Variants in TCTN3 observed in about 807,000 individuals in gnomAD.
TCTN3 encodes the protein tectonic family member 3, also known as tectonic-3.
In TCTN3, 57 loss-of-function variants were observed where a neutral mutation model predicts 71.3. That is an observed-to-expected ratio of 0.80 (90% CI 0.65 to 1.00). The LOEUF is 1.00. Ranked by LOEUF, TCTN3 falls within the 50% of genes least tolerant of loss-of-function variation. TCTN3 has a pLI of 0.00. For synonymous variants in TCTN3, 258 were observed against 267.8 expected (o/e 0.96, Z 0.36); for missense variants, 696 against 719.9 (o/e 0.97, Z 0.38).
Position 95,683,602 on chromosome 10 carries a change from G to C in TCTN3, c.1123C>G (p.Leu375Val). 1 of 1,613,996 alleles carries C rather than the reference G, an allele frequency of 6.2e-7. No individual in the cohort carries two copies. The highest frequency in any genetic ancestry group is 8.5e-7 in the Non-Finnish European group (1 of 1,179,960). ...RAFQQSTAAS[L>V]TSPRSGNPGY... ...GGATTCCCACTTCTAGGACTGGTGA[G>C]AGAAGCAGCTGTGCTCTGTTGAAAA... Residue 375 changes from leucine (L) to valine (V), a missense_variant, in exon 10 of 14, where the codon CTC becomes GTC. Transcript: ENST00000371217.
At position 95,689,019 on chromosome 10, in the gene TCTN3, T is replaced by G. The variant is rs1289973549; in HGVS notation, c.500-1300A>C. On this transcript the variant is annotated intron_variant, in intron 3 of 13. Transcript: ENST00000371217. ...CAATACCTGCATCATTGAAAGCAAATGAGGATTCCACGTTAAATGAACCTG... is the reference window on the plus strand; with the variant it reads ...CAATACCTGCATCATTGAAAGCAAAGGAGGATTCCACGTTAAATGAACCTG... 2.0e-5 allele frequency among the ~76,000 whole-genome samples: 3 copies of G among 152,192 alleles called. No individual in the cohort carries two copies. In the East Asian group the frequency reaches 5.8e-4, roughly 29 times the overall value.
chr10:95,683,936 T>C (rs1323118850), intron 9 of TCTN3, among the ~76,000 whole-genome samples: 6 of 145,928 alleles, frequency 4.1e-5, no homozygotes, highest in Admixed American at 3.6e-4. Flanking sequence ...CACAGCCTGG[T>C]TAAAATCTGA....
intron 3 of TCTN3, chr10:95,692,714 C>T: frequency 1.9e-6 from 1 of 534,738 alleles, no homozygotes; most frequent in Non-Finnish European, 3.3e-6. Flanking sequence ...CTTATGAATG[C>T]AGCCCAACAA....
At chr10:95,672,309 T>C (rs1413754994) in intron 13 of TCTN3, among the ~76,000 whole-genome samples, 1 of 152,174 alleles carries the variant, frequency 6.6e-6, no homozygotes, top group Non-Finnish European at 1.5e-5. Context: ...CTCCTCAAGA[T>C]GGATATTTGG....
chr10:95,686,693 A>G (rs534304051), intron 6 of TCTN3, among the ~76,000 whole-genome samples, 163 bp from the exon 7 acceptor site: 2 of 152,274 alleles, frequency 1.3e-5, no homozygotes, highest in Non-Finnish European at 2.9e-5. Flanking sequence ...CTTTACACTA[A>G]AATGCCAGGA....
intron 13 of TCTN3, among the ~76,000 whole-genome samples, chr10:95,672,544 T>C (rs2097932667): frequency 6.6e-6 from 1 of 152,136 alleles, no homozygotes; most frequent in Non-Finnish European, 1.5e-5. Flanking sequence ...TTGTCAGTCT[T>C]TTTTGTTTTA....
rs1242330719 is a variant in TCTN3 at position 95,692,915 on chromosome 10, C to A, written c.499+5G>T. On this transcript the variant is annotated splice_donor_5th_base_variant and intron_variant, in intron 3 of 13. Coordinates refer to ENST00000371217, the MANE Select transcript of TCTN3 (RefSeq NM_015631.6). ...AATGAGAACAACCAACATGTTTCTACTCACAGTTGTTCACATGGACACAAA... is the reference window on the plus strand; with the variant it reads ...AATGAGAACAACCAACATGTTTCTAATCACAGTTGTTCACATGGACACAAA... The A allele has an allele frequency of 1.9e-6, 3 of 1,593,768 alleles. No individual in the cohort carries two copies. The Admixed American group carries it at 5.0e-5, about 27-fold the overall frequency.
intron 13 of TCTN3, among the ~76,000 whole-genome samples, chr10:95,664,932 CTTTTGATTATAAT>C (rs2097924411): frequency 6.6e-6 from 1 of 152,166 alleles, no homozygotes; most frequent in Non-Finnish European, 1.5e-5. Context: ...AACAAGCAAA[CTTTTGATTATAAT>C]TTTTGGACAG....
rs551350934 is a variant in TCTN3, at chr10:95,684,753, A to T, written c.970-129T>A. The stretch of plus-strand genomic sequence containing the variant: ...GCAGACTGAAACAGTAATGTTAAAA[A>T]TGCCAAACACAAATACTATGAAAGA... On this transcript the variant is annotated intron_variant, in intron 8 of 13. Transcript: ENST00000371217. The T allele has an allele frequency of 1.3e-5, 13 of 975,944 alleles. No individual in the cohort carries two copies. In the East Asian group the frequency reaches 3.5e-4, roughly 26 times the overall value. The allele number at this position is 975,944 out of a possible 1,614,324, so 60.5% of individuals were successfully genotyped here.
chr10:95,670,883 G>A (rs890045343), intron 13 of TCTN3, among the ~76,000 whole-genome samples: 4 of 151,824 alleles, frequency 2.6e-5, no homozygotes, highest in African/African-American at 9.7e-5. Flanking sequence ...GGCTGGTCTC[G>A]AATTCCTAGG....
At chr10:95,693,247 T>C in intron 2 of TCTN3, 106 bp downstream of exon 2, 1 of 1,489,794 alleles carries the variant, frequency 6.7e-7, no homozygotes, top group Non-Finnish European at 9.0e-7. Flanking sequence ...GTCCTAGGAG[T>C]GGAAGTACGG....
At chr10:95,680,431 G>A in intron 13 of TCTN3, 41 bp downstream of exon 13, 1 of 1,560,198 alleles carries the variant, frequency 6.4e-7, no homozygotes, top group East Asian at 2.4e-5. Context: ...GACAATCTAG[G>A]CTTTGCAAGG....
Position 95,664,134 on chromosome 10 carries a change from C to G in TCTN3, c.1757G>C (p.Cys586Ser). Residue 586 changes from cysteine (C) to serine (S), a missense_variant, in exon 14 of 14, where the codon TGC (cysteine) becomes TCC (serine). Cys to Ser is a moderately radical substitution (Grantham distance 112, BLOSUM62 -1). Transcript: ENST00000371217. ...AFSRGVFSQKCSVSPILILCL... is the reference protein window; with the variant it reads ...AFSRGVFSQKSSVSPILILCL... ...CAGGATAAGGATGGGAGAGACTGAG[C>G]ATTTTTGAGAGAATACTCCTCTGCT... The G allele has an allele frequency of 6.2e-7, 1 of 1,614,152 alleles. No homozygotes were observed. Among genetic ancestry groups the G allele is most frequent in the South Asian group, 1.1e-5 (1 of 91,078 alleles).
At chr10:95,686,393 G>A (rs758128904) in intron 7 of TCTN3, 102 bp downstream of exon 7, 35 of 1,236,114 alleles carry the variant, frequency 2.8e-5, no homozygotes, top group Middle Eastern at 1.9e-4. Flanking sequence ...GCTACATCAC[G>A]CTTACATTTA....
chr10:95,664,689 C>T (rs1279465178), intron 13 of TCTN3, among the ~76,000 whole-genome samples: 3 of 152,180 alleles, frequency 2.0e-5, no homozygotes, highest in Non-Finnish European at 4.4e-5. Context: ...CAATTCTATT[C>T]CTTCTCCAAT....
intron 13 of TCTN3, among the ~76,000 whole-genome samples, chr10:95,675,819 A>T (rs1277392000): frequency 1.3e-5 from 2 of 152,224 alleles, no homozygotes. Context: ...AATTACTCTT[A>T]ATTATTGTTC....
At chr10:95,667,720 G>A (rs532954923) in intron 13 of TCTN3, among the ~76,000 whole-genome samples, 82 of 152,292 alleles carry the variant, frequency 5.4e-4, no homozygotes, top group African/African-American at 1.9e-3. Context: ...CTTCATTTTA[G>A]ATGAAGATGG....
At chr10:95,666,406 C>G (rs2097925739) in intron 13 of TCTN3, among the ~76,000 whole-genome samples, 1 of 152,080 alleles carries the variant, frequency 6.6e-6, no homozygotes, top group African/African-American at 2.4e-5. Flanking sequence ...CTGGCTGAGA[C>G]TAATCAGAGA....
At chr10:95,678,716 A>C (rs937365439) in intron 13 of TCTN3, among the ~76,000 whole-genome samples, 9 of 152,308 alleles carry the variant, frequency 5.9e-5, no homozygotes, top group Non-Finnish European at 1.3e-4. Context: ...TTATTATAGA[A>C]GGAAATGCTT....
Sources: allele counts gnomAD v4.1 joint callset (sites outside exome capture counted in the v4.1 genomes callset), GRCh38; gene constraint gnomAD v4.1.1; transcripts MANE v1.5; gene names NCBI Gene and HGNC (gene_info 2026-07-23, HGNC 2026-07-21).